ADTRP: variants seen among roughly 807,000 people sequenced by gnomAD.
The protein encoded by ADTRP is androgen-dependent TFPI-regulating protein.
A neutral mutation model predicts 27.0 loss-of-function variants in ADTRP; 20 were observed. The observed-to-expected ratio is 0.74, with a 90% confidence interval of 0.52 to 1.08. The LOEUF is 1.08. Among genes scored for constraint, ADTRP ranks in the 50% least tolerant of loss-of-function variants. The probability of loss-of-function intolerance (pLI) is 0.00; values close to 1 mark genes in which losing one functional copy is unlikely to be tolerated. For missense variants in ADTRP, 251 were observed against 275.0 expected, an observed-to-expected ratio of 0.91 and a Z score of 0.62; for synonymous variants, 101 against 105.2, an observed-to-expected ratio of 0.96 and a Z score of 0.25.
chr6:11,758,576 G>T (rs35658040), intron 3 of ADTRP, among the ~76,000 whole-genome samples: 6,238 of 16,336 alleles, frequency 0.38, 554 homozygotes, highest in African/African-American at 0.47. Flanking sequence ...GTTGTGGGGT[G>T]GGGGGGGGGG....
intron 3 of ADTRP, among the ~76,000 whole-genome samples, chr6:11,759,945 A>C (rs1763344512): frequency 6.6e-6 from 1 of 152,086 alleles, no homozygotes; most frequent in Admixed American, 6.6e-5. Flanking sequence ...TGAGCCAAGG[A>C]AGGTAAGTGG....
intron 5 of ADTRP, chr6:11,717,452 A>G (rs1216230777): frequency 7.7e-7 from 1 of 1,301,754 alleles, no homozygotes; most frequent in Non-Finnish European, 1.0e-6. Context: ...TTCAATCAAC[A>G]TCACCATAGA....
chr6:11,732,437 G>A (rs1243924631), intron 4 of ADTRP, among the ~76,000 whole-genome samples: 1 of 152,186 alleles, frequency 6.6e-6, no homozygotes, highest in Non-Finnish European at 1.5e-5. Context: ...ATGGGTGTCT[G>A]CAGTTTGTAG....
At position 11,735,728 on chromosome 6, in the gene ADTRP, G is replaced by A. The variant is rs531261654; in HGVS notation, c.391-45C>T. Reference sequence around the variant, plus strand: ...AAATCAGAATGGCAGGGTGTCCAGGGTGCCTACAGTGCCCATAATTCTCTG... The same window carrying A: ...AAATCAGAATGGCAGGGTGTCCAGGATGCCTACAGTGCCCATAATTCTCTG... On this transcript the variant is annotated intron_variant, in intron 3 of 5. Transcript: ENST00000414691. 4.7e-5 allele frequency: 59 copies of A among 1,268,618 alleles called. No homozygotes were observed. The South Asian group carries it at 7.0e-4, about 15-fold the overall frequency. 78.6% of individuals were successfully genotyped at this position (1,268,618 alleles called of 1,614,324 possible). A position where few individuals can be genotyped will look rare whatever the true frequency, so the allele number is the denominator to read the frequency against.
chr6:11,737,094 A>C (rs894557234), intron 3 of ADTRP, among the ~76,000 whole-genome samples: 3 of 152,182 alleles, frequency 2.0e-5, no homozygotes, highest in African/African-American at 7.2e-5. Flanking sequence ...ATCTTGGGTT[A>C]TAGAAGCTGA....
chr6:11,722,377 T>G (rs901510020), intron 5 of ADTRP, among the ~76,000 whole-genome samples: 2 of 152,136 alleles, frequency 1.3e-5, no homozygotes, highest in African/African-American at 4.8e-5. Context: ...ACTGTCAGGT[T>G]TTTTTTGCAT....
chr6:11,721,389 G>T (rs1762021096), intron 5 of ADTRP, among the ~76,000 whole-genome samples: 1 of 152,182 alleles, frequency 6.6e-6, no homozygotes, highest in Non-Finnish European at 1.5e-5. Flanking sequence ...GTCAATTGGG[G>T]GAAGCCTTAG....
intron 3 of ADTRP, among the ~76,000 whole-genome samples, chr6:11,756,727 A>G (rs1763225193): frequency 6.6e-6 from 1 of 152,186 alleles, no homozygotes; most frequent in African/African-American, 2.4e-5. Context: ...TAAGGGATGT[A>G]TTAAGCACAT....
chr6:11,732,742 TG>T (rs553125627), intron 4 of ADTRP, among the ~76,000 whole-genome samples: 130 of 152,240 alleles, frequency 8.5e-4, no homozygotes, highest in Middle Eastern at 3.4e-3. Context: ...GTCACGTTCC[TG>T]CTGGTGACAG....
chr6:11,758,409 T>A (rs1421324739), intron 3 of ADTRP, among the ~76,000 whole-genome samples: 1 of 151,930 alleles, frequency 6.6e-6, no homozygotes, highest in Non-Finnish European at 1.5e-5. Context: ...AGCCTCCAGG[T>A]TTTCTCCATG....
chr6:11,743,113 G>A (rs1020496248), intron 3 of ADTRP, among the ~76,000 whole-genome samples: 1 of 152,208 alleles, frequency 6.6e-6, no homozygotes, highest in African/African-American at 2.4e-5. Flanking sequence ...TCTTCTGTCT[G>A]TTCTGCAGCC....
At chr6:11,751,413 T>A (rs1763049416) in intron 3 of ADTRP, among the ~76,000 whole-genome samples, 1 of 152,044 alleles carries the variant, frequency 6.6e-6, no homozygotes, top group East Asian at 1.9e-4. Flanking sequence ...GACATGGAGG[T>A]CATACCCTCC....
chr6:11,721,852 A>G (rs750443573), intron 5 of ADTRP, among the ~76,000 whole-genome samples: 5 of 152,178 alleles, frequency 3.3e-5, no homozygotes, highest in African/African-American at 1.2e-4. Flanking sequence ...ATATGATGAT[A>G]ATTTTGTTTT....
chr6:11,749,207 T>C (rs933241556), intron 3 of ADTRP, among the ~76,000 whole-genome samples: 1 of 152,276 alleles, frequency 6.6e-6, no homozygotes, highest in East Asian at 1.9e-4. Context: ...GCAGGGTCAA[T>C]GCTGGTTTCT....
intron 3 of ADTRP, among the ~76,000 whole-genome samples, chr6:11,751,589 C>T (rs1028361971): frequency 6.6e-6 from 1 of 152,154 alleles, no homozygotes; most frequent in Non-Finnish European, 1.5e-5. Context: ...TCTATTTTTG[C>T]TCAGCATTTT....
chr6:11,752,918 C>T lies in ADTRP; in HGVS notation c.390+13356G>A, dbSNP rs541475047. 2.6e-5 allele frequency among the ~76,000 whole-genome samples: 4 copies of T among 152,166 alleles called. No individual in the cohort carries two copies. In the East Asian group the frequency reaches 5.8e-4, roughly 22 times the overall value. ...CAAGTCAATAACGATTTGCATGGGT[C>T]GTTAATGTATCACTGATAGCACTTT... is the stretch of plus-strand genomic sequence containing the variant. On this transcript the variant is annotated intron_variant, in intron 3 of 5. Transcript: ENST00000414691.
intron 1 of ADTRP, among the ~76,000 whole-genome samples, chr6:11,769,201 G>A (rs948472485): frequency 1.3e-4 from 20 of 152,302 alleles, no homozygotes; most frequent in African/African-American, 4.8e-4. Context: ...GGGGGGTGGG[G>A]TTAAGTTAGG....
chr6:11,753,340 T>G (rs558289162), intron 3 of ADTRP, among the ~76,000 whole-genome samples: 1 of 152,336 alleles, frequency 6.6e-6, no homozygotes, highest in East Asian at 1.9e-4. Flanking sequence ...ATGGTCCATT[T>G]CCTGATGACC....
At chr6:11,777,121 A>G (rs934731551) in intron 1 of ADTRP, among the ~76,000 whole-genome samples, 3 of 152,232 alleles carry the variant, frequency 2.0e-5, no homozygotes, top group African/African-American at 7.2e-5. Flanking sequence ...TCAATCAGGG[A>G]AGCAAAATTG....
Sources: allele counts gnomAD v4.1 joint callset (sites outside exome capture counted in the v4.1 genomes callset), GRCh38; gene constraint gnomAD v4.1.1; transcripts MANE v1.5; gene names NCBI Gene and HGNC (gene_info 2026-07-23, HGNC 2026-07-21).